The following NAALADL2 variants were observed in gnomAD, a reference collection of about 807,000 sequenced individuals.
NAALADL2 encodes the protein inactive N-acetylated-alpha-linked acidic dipeptidase-like protein 2.
A neutral mutation model predicts 87.2 loss-of-function variants in NAALADL2; 76 were observed. The ratio of observed to expected loss-of-function variants is 0.87; its 90% CI spans 0.72 to 1.05. NAALADL2 has a LOEUF of 1.05. Ranked by LOEUF, NAALADL2 falls within the 50% of genes least tolerant of loss-of-function variation. The pLI, the probability that NAALADL2 is intolerant of heterozygous loss-of-function variation, is 0.00. For synonymous variants in NAALADL2, 354 were observed against 331.0 expected (o/e 1.07, Z -0.75); for missense variants, 1,089 against 945.8 (o/e 1.15, Z -1.99).
At chr3:174,795,116 C>T (rs1476717759) in intron 3 of NAALADL2, among the ~76,000 whole-genome samples, 3 of 150,738 alleles carry the variant, frequency 2.0e-5, no homozygotes, top group African/African-American at 4.9e-5. Flanking sequence ...CTCAGCCTCC[C>T]GAGTAGCTGG....
chr3:174,501,706 CTT>C (rs1260515369), intron 1 of NAALADL2, among the ~76,000 whole-genome samples: 5 of 151,990 alleles, frequency 3.3e-5, no homozygotes, highest in African/African-American at 4.8e-5. Context: ...ATAATATTCT[CTT>C]AATATTATAA....
intron 2 of NAALADL2, among the ~76,000 whole-genome samples, chr3:174,697,989 G>C (rs944274264): frequency 7.2e-5 from 11 of 152,096 alleles, no homozygotes; most frequent in African/African-American, 2.7e-4. Flanking sequence ...TACTCAGGAG[G>C]CTGAACCAGG....
intron 9 of NAALADL2, 128 bp downstream of exon 9, chr3:175,471,886 G>A: frequency 2.5e-6 from 2 of 805,272 alleles, no homozygotes; most frequent in East Asian, 3.0e-5. Flanking sequence ...TTTAAGAAAT[G>A]ATCTATTGCT....
chr3:174,498,149 A>G (rs139467550), intron 1 of NAALADL2, among the ~76,000 whole-genome samples: 187 of 152,244 alleles, frequency 1.2e-3, no homozygotes, highest in African/African-American at 4.4e-3. Flanking sequence ...GTAAACATGT[A>G]CCTCATCCCC....
chr3:175,388,685 C>T (rs1032744102), intron 5 of NAALADL2, among the ~76,000 whole-genome samples: 1 of 152,006 alleles, frequency 6.6e-6, no homozygotes, highest in African/African-American at 2.4e-5. Context: ...GTCCTTTTTT[C>T]ACATACCTTT....
chr3:174,621,169 C>T (rs1055757397), intron 2 of NAALADL2, among the ~76,000 whole-genome samples: 3 of 152,094 alleles, frequency 2.0e-5, no homozygotes, highest in East Asian at 3.9e-4. Context: ...TCAGAATTGC[C>T]GCAAGCTTCT....
intron 3 of NAALADL2, among the ~76,000 whole-genome samples, chr3:174,813,175 G>A (rs192347130): frequency 6.6e-6 from 1 of 152,094 alleles, no homozygotes; most frequent in Non-Finnish European, 1.5e-5. Context: ...TTCTTTTCCA[G>A]TGGTATTCAA....
intron 1 of NAALADL2, among the ~76,000 whole-genome samples, chr3:174,493,925 G>A (rs754972210): frequency 3.9e-5 from 6 of 152,186 alleles, no homozygotes; most frequent in African/African-American, 1.4e-4. Context: ...ATAGAGATAC[G>A]AACAAGGTGT....
At chr3:175,023,469 G>T (rs1486387779) in intron 1 of NAALADL2, among the ~76,000 whole-genome samples, 9 of 151,892 alleles carry the variant, frequency 5.9e-5, no homozygotes, top group Admixed American at 5.9e-4. Context: ...AATCTGAGTT[G>T]GACGTTCCTG....
At chr3:175,500,076 G>T (rs374792457) in intron 9 of NAALADL2, among the ~76,000 whole-genome samples, 13 of 151,808 alleles carry the variant, frequency 8.6e-5, no homozygotes, top group Non-Finnish European at 1.6e-4. Flanking sequence ...AATAAATACC[G>T]AATGACTACC....
intron 11 of NAALADL2, among the ~76,000 whole-genome samples, chr3:175,673,077 T>A (rs1243822781): frequency 6.6e-6 from 1 of 152,176 alleles, no homozygotes; most frequent in African/African-American, 2.4e-5. Flanking sequence ...CTTGCAAGGT[T>A]ATTTCCCTCT....
chr3:174,970,478 C>T (rs1743473083), intron 1 of NAALADL2, among the ~76,000 whole-genome samples: 1 of 152,096 alleles, frequency 6.6e-6, no homozygotes, highest in East Asian at 1.9e-4. Flanking sequence ...ATCAACTTCT[C>T]ATTAATTATA....
At chr3:175,423,748 C>A (rs1716286377) in intron 5 of NAALADL2, among the ~76,000 whole-genome samples, 2 of 152,150 alleles carry the variant, frequency 1.3e-5, no homozygotes, top group Admixed American at 1.3e-4. Context: ...GTCTTTACAG[C>A]AGCATGATTT....
At chr3:175,280,884 T>A (rs1427644874) in intron 4 of NAALADL2, among the ~76,000 whole-genome samples, 1 of 152,026 alleles carries the variant, frequency 6.6e-6, no homozygotes, top group Non-Finnish European at 1.5e-5. Flanking sequence ...CATCAGCGTA[T>A]AAGTTTAAAT....
intron 3 of NAALADL2, among the ~76,000 whole-genome samples, chr3:175,252,625 G>T (rs1044666409): frequency 6.6e-6 from 1 of 152,138 alleles, no homozygotes; most frequent in Non-Finnish European, 1.5e-5. Flanking sequence ...AAGAAGAAAT[G>T]ATTAAGCTTA....
chr3:175,013,122 AC>A lies in NAALADL2; in HGVS notation c.44-83667del, dbSNP rs1158625651. On this transcript the variant is annotated intron_variant, in intron 1 of 13. Transcript: ENST00000454872. ...AATATACATATTTATATATAAATATACATATTTATATATAAATATGTAATAC... is the reference window on the plus strand; with the variant it reads ...AATATACATATTTATATATAAATATAATATTTATATATAAATATGTAATAC... 2.8e-5 allele frequency among the ~76,000 whole-genome samples: 2 copies of A among 72,100 alleles called. 1 individual carries two copies. Among genetic ancestry groups the A allele is most frequent in the Admixed American group, 3.1e-4 (2 of 6,466 alleles). The allele number at this position is 72,100 out of a possible 152,430, so 47.3% of individuals were successfully genotyped here.
chr3:174,463,155 T>C (rs1716313264), intron 1 of NAALADL2, among the ~76,000 whole-genome samples: 1 of 152,140 alleles, frequency 6.6e-6, no homozygotes, highest in African/African-American at 2.4e-5. Flanking sequence ...GGTTTGCAGA[T>C]TTTGTGAGAT....
At chr3:175,423,499 G>A (rs1177464887) in intron 5 of NAALADL2, among the ~76,000 whole-genome samples, 1 of 141,816 alleles carries the variant, frequency 7.1e-6, no homozygotes, top group African/African-American at 2.6e-5. Flanking sequence ...TCCCACCTAT[G>A]AGCGAGAACA....
intron 1 of NAALADL2, chr3:175,060,035 C>A: frequency 5.1e-6 from 2 of 388,996 alleles, no homozygotes; most frequent in South Asian, 4.5e-5. Context: ...CCCATGGTGT[C>A]AGCTGTATTT....
Sources: gnomAD v4.1 joint callset for allele counts (sites outside exome capture counted in the v4.1 genomes callset) on GRCh38, gnomAD v4.1.1 for gene constraint, MANE v1.5 for transcripts, NCBI Gene and HGNC (gene_info 2026-07-23, HGNC 2026-07-21) for gene names.